PDE4D: variants seen among roughly 807,000 people sequenced by gnomAD.
The protein encoded by PDE4D is 3',5'-cyclic-AMP phosphodiesterase 4D.
Under a neutral mutation model 87.4 loss-of-function variants are expected in PDE4D, and 24 were observed. That is an observed-to-expected ratio of 0.27 (90% CI 0.20 to 0.39). The LOEUF is 0.39. Ranked by LOEUF, PDE4D falls within the 10% of genes least tolerant of loss-of-function variation. The pLI, the probability that PDE4D is intolerant of heterozygous loss-of-function variation, is 1.00. For missense variants in PDE4D, 714 were observed against 1,041.0 expected, an observed-to-expected ratio of 0.69 and a Z score of 4.32; for synonymous variants, 384 against 383.2, an observed-to-expected ratio of 1.00 and a Z score of -0.02.
intron 6 of PDE4D, among the ~76,000 whole-genome samples, chr5:59,008,765 G>A (rs1752175367): frequency 6.6e-6 from 1 of 151,974 alleles, no homozygotes; most frequent in East Asian, 1.9e-4. Flanking sequence ...GAAAAAAACT[G>A]TTAAGAAAAC....
intron 5 of PDE4D, among the ~76,000 whole-genome samples, chr5:59,154,249 T>C (rs141663589): frequency 0.011 from 1,671 of 152,300 alleles, 17 homozygotes; most frequent in Non-Finnish European, 0.018. Flanking sequence ...AGATCGACCA[T>C]TTAAGAAAGT....
intron 1 of PDE4D, among the ~76,000 whole-genome samples, chr5:60,214,092 T>C (rs1743568586): frequency 6.6e-6 from 1 of 152,130 alleles, no homozygotes; most frequent in African/African-American, 2.4e-5. Flanking sequence ...TTCCATATCA[T>C]CTCCTTGAGA....
At chr5:59,386,062 G>A (rs768652955) in intron 1 of PDE4D, among the ~76,000 whole-genome samples, 8 of 152,098 alleles carry the variant, frequency 5.3e-5, no homozygotes, top group Non-Finnish European at 1.0e-4. Context: ...GATAGGATGT[G>A]GGGAGGCAGC....
rs1743515407 is a variant in PDE4D, at chr5:58,975,601, C to T, written c.2013+56G>A. On this transcript the variant is annotated intron_variant, in intron 14 of 14. Coordinates refer to ENST00000340635, the MANE Select transcript of PDE4D (RefSeq NM_001104631.2). This position sits in a 1 kb window ranked among gnomAD's most constrained non-coding sequence, Gnocchi z 4.2. ...ACTATCATATGTAATACAAAGTAACCAAATGCTAAAGCGGTAGCTCTGTTC... is the reference window on the plus strand; with the variant it reads ...ACTATCATATGTAATACAAAGTAACTAAATGCTAAAGCGGTAGCTCTGTTC... The T allele has an allele frequency of 3.0e-6, 4 of 1,349,354 alleles. No individual in the cohort carries two copies. Among genetic ancestry groups the T allele is most frequent in the African/African-American group, 1.5e-5 (1 of 67,506 alleles). The allele number at this position is 1,349,354 out of a possible 1,614,324, so 83.6% of individuals were successfully genotyped here.
At chr5:59,369,065 C>T (rs925615342) in intron 1 of PDE4D, among the ~76,000 whole-genome samples, 1 of 152,238 alleles carries the variant, frequency 6.6e-6, no homozygotes, top group Non-Finnish European at 1.5e-5. Flanking sequence ...CAAGACAAGT[C>T]CCCAAGATCC....
intron 1 of PDE4D, among the ~76,000 whole-genome samples, chr5:59,755,162 TAAG>T (rs1364516407): frequency 6.6e-6 from 1 of 152,154 alleles, no homozygotes; most frequent in African/African-American, 2.4e-5. Flanking sequence ...CTTATTACCT[TAAG>T]AAGAAAGACT....
intron 1 of PDE4D, among the ~76,000 whole-genome samples, chr5:59,783,226 A>G (rs1477664227): frequency 6.6e-6 from 1 of 152,202 alleles, no homozygotes; most frequent in Non-Finnish European, 1.5e-5. Context: ...GGAGAATTTT[A>G]TAAATTTCAG....
chr5:59,292,648 A>C (rs1768260012), intron 1 of PDE4D, among the ~76,000 whole-genome samples: 1 of 152,212 alleles, frequency 6.6e-6, no homozygotes, highest in Admixed American at 6.6e-5. Flanking sequence ...CTCATTTGAC[A>C]ATTATTGAAG....
chr5:60,161,977 T>A lies in PDE4D; in HGVS notation c.42+23580A>T, dbSNP rs564484480. Among the ~76,000 whole-genome samples the A allele has an allele frequency of 2.6e-3, 401 of 152,254 alleles. 3 individuals are homozygous for A. The highest frequency in any genetic ancestry group is 9.3e-3 in the African/African-American group (386 of 41,570). ...CAAGAAAGATGCTTATTCATCAGAC[T>A]GCTGCGTCCACCACCAAAAGCATCA... On this transcript the variant is annotated intron_variant, in intron 2 of 16. Coordinates refer to the PDE4D transcript ENST00000502484.
At chr5:59,693,319 T>C (rs1751266857) in intron 1 of PDE4D, among the ~76,000 whole-genome samples, 1 of 152,116 alleles carries the variant, frequency 6.6e-6, no homozygotes, top group Non-Finnish European at 1.5e-5. Context: ...CCAGAATCTT[T>C]ACCAAAAATA....
intron 1 of PDE4D, among the ~76,000 whole-genome samples, chr5:59,743,362 C>CA (rs1561577354): frequency 6.6e-6 from 1 of 151,958 alleles, no homozygotes; most frequent in Non-Finnish European, 1.5e-5. Flanking sequence ...ATAACTCCAC[C>CA]AAAAAATGAG....
chr5:60,459,872 C>A, intron 1 of PDE4D: 1 of 634,324 alleles, frequency 1.6e-6, no homozygotes, highest in South Asian at 2.0e-5. Context: ...TCATCCTTCT[C>A]TCCTTCCTCC....
intron 2 of PDE4D, among the ~76,000 whole-genome samples, chr5:60,135,880 C>T (rs879315474): frequency 6.6e-6 from 1 of 152,156 alleles, no homozygotes; most frequent in Non-Finnish European, 1.5e-5. Context: ...TCAAAAGACA[C>T]CTTTTGCTTA....
chr5:59,300,172 A>G (rs536525279), intron 1 of PDE4D, among the ~76,000 whole-genome samples: 1 of 151,526 alleles, frequency 6.6e-6, no homozygotes, highest in South Asian at 2.1e-4. Flanking sequence ...ATGCTTATTA[A>G]ATGAATGAAA....
At chr5:59,088,435 C>T (rs1232779133) in intron 5 of PDE4D, among the ~76,000 whole-genome samples, 1 of 152,182 alleles carries the variant, frequency 6.6e-6, no homozygotes, top group South Asian at 2.1e-4. Context: ...TTCAACCCAG[C>T]AATCTCATTT....
chr5:59,651,615 C>A (rs1197168362), intron 1 of PDE4D, among the ~76,000 whole-genome samples: 3 of 151,934 alleles, frequency 2.0e-5, no homozygotes, highest in Non-Finnish European at 2.9e-5. Flanking sequence ...TAATAATAAT[C>A]CATATCTTGA....
At chr5:59,175,887 C>T (rs1012997559) in intron 5 of PDE4D, among the ~76,000 whole-genome samples, 4 of 150,592 alleles carry the variant, frequency 2.7e-5, no homozygotes, top group African/African-American at 9.8e-5. Context: ...ACCTTGGTCT[C>T]CTGAGTAGCC....
chr5:59,472,795 G>C (rs1802652441), intron 1 of PDE4D, among the ~76,000 whole-genome samples: 1 of 151,938 alleles, frequency 6.6e-6, no homozygotes, highest in African/African-American at 2.4e-5. Context: ...TTTTTACAAA[G>C]GGATTAAAAG....
At position 58,975,759 on chromosome 5, in the gene PDE4D, C is replaced by G. The variant is rs1330666210; in HGVS notation, c.1911G>C (p.Arg637=). 3.7e-6 allele frequency: 6 copies of G among 1,613,108 alleles called. No homozygotes were observed. The African/African-American group carries it at 5.3e-5, about 14-fold the overall frequency. The part of the protein sequence containing the change: ...PLQLYRQWTD[R]IMEEFFRQGD... ...CTTGGCGGAAGAACTCCTCCATTAT[C>G]CGGTCCGTCCACTGGCGGTACAGCT... Residue 637 remains arginine (R), a synonymous_variant, in exon 14 of 15, where the codon CGG becomes CGC. Coordinates refer to ENST00000340635, the MANE Select transcript of PDE4D (RefSeq NM_001104631.2). The surrounding 1 kb of genome is among the most constrained non-coding windows in gnomAD (Gnocchi z 4.2).
Sources: gnomAD v4.1 joint callset for allele counts (sites outside exome capture counted in the v4.1 genomes callset) on GRCh38, gnomAD v4.1.1 for gene constraint, Gnocchi (gnomAD v3.1) non-coding constraint, MANE v1.5 for transcripts, NCBI Gene and HGNC (gene_info 2026-07-23, HGNC 2026-07-21) for gene names.